PRIM2: variants seen among roughly 807,000 people sequenced by gnomAD.
The protein encoded by PRIM2 is DNA primase subunit 2, also known as DNA primase large subunit.
PRIM2 carries 39 observed loss-of-function variants against 67.3 expected under a neutral mutation model. The observed-to-expected ratio is 0.58, with a 90% CI of 0.45 to 0.76. The LOEUF (loss-of-function observed/expected upper bound fraction) is 0.76. Among genes scored for constraint, PRIM2 ranks in the 30% least tolerant of loss-of-function variants. The pLI is 0.00. For synonymous variants in PRIM2, 143 were observed against 198.7 expected (o/e 0.72, Z 2.36); for missense variants, 398 against 598.7 (o/e 0.66, Z 3.50).
chr6:57,307,063 G>T, the PRIM2 span, among the ~76,000 whole-genome samples: 4 of 151,730 alleles, frequency 2.6e-5, no homozygotes, highest in Admixed American at 2.6e-4. Flanking sequence ...GCTTGGCGTG[G>T]TGGCATGTGC....
chr6:57,322,077 TAGA>T (rs1767678490), intron 3 of PRIM2, among the ~76,000 whole-genome samples: 1 of 152,128 alleles, frequency 6.6e-6, no homozygotes, highest in African/African-American at 2.4e-5. Context: ...GCGGTGGATA[TAGA>T]AGATGTACTT....
the PRIM2 span, among the ~76,000 whole-genome samples, chr6:57,227,132 C>G: frequency 6.6e-6 from 1 of 151,838 alleles, no homozygotes; most frequent in Non-Finnish European, 1.5e-5. Flanking sequence ...TGTTGAAATA[C>G]TCTTAGTATA....
intron 4 of PRIM2, among the ~76,000 whole-genome samples, chr6:57,325,063 A>G (rs1231370409): frequency 1.3e-5 from 2 of 151,676 alleles, no homozygotes; most frequent in East Asian, 1.9e-4. Context: ...GATAATGCCC[A>G]TTAGTATCTG....
At chr6:57,579,908 A>C (rs1285647772) in intron 10 of PRIM2, among the ~76,000 whole-genome samples, 1 of 152,178 alleles carries the variant, frequency 6.6e-6, no homozygotes, top group East Asian at 1.9e-4. Context: ...ACAAAGTTAT[A>C]TTTTTATATG....
Position 57,527,576 on chromosome 6 carries a change from C to T in PRIM2, c.762-4835C>T, listed in dbSNP as rs1405060281. Reference sequence around the variant, plus strand: ...TCCCTCCCCTTTCTAATTATTTCCCCACACTGCTTTGTTTCTCAAGTGTAA... The same window carrying T: ...TCCCTCCCCTTTCTAATTATTTCCCTACACTGCTTTGTTTCTCAAGTGTAA... On this transcript the variant is annotated intron_variant, in intron 8 of 13. Coordinates refer to ENST00000615550, the MANE Select transcript of PRIM2 (RefSeq NM_000947.5). 3.9e-5 allele frequency among the ~76,000 whole-genome samples: 6 copies of T among 152,286 alleles called. No individual in the cohort carries two copies. The South Asian group carries it at 1.0e-3, about 26-fold the overall frequency.
intron 7 of PRIM2, 34 bp downstream of exon 7, chr6:57,382,202 G>A (rs762645396): frequency 2.5e-6 from 4 of 1,603,186 alleles, no homozygotes; most frequent in African/African-American, 1.3e-5. Context: ...TATCTGACAT[G>A]TTCACACTTT....
chr6:57,479,712 A>G (rs1322840713), intron 7 of PRIM2, among the ~76,000 whole-genome samples: 1 of 152,230 alleles, frequency 6.6e-6, no homozygotes, highest in Admixed American at 6.5e-5. Flanking sequence ...GGCTGAGGAT[A>G]TAGTGGATAA....
At position 57,485,884 on chromosome 6, in the gene PRIM2, A is replaced by G. The variant is rs1197020972; in HGVS notation, c.694-21503A>G. 2.6e-5 allele frequency among the ~76,000 whole-genome samples: 4 copies of G among 152,230 alleles called. No individual in the cohort carries two copies. The East Asian group carries it at 7.7e-4, about 29-fold the overall frequency. On this transcript the variant is annotated intron_variant, in intron 7 of 13. Coordinates refer to ENST00000615550, the MANE Select transcript of PRIM2 (RefSeq NM_000947.5). The stretch of plus-strand genomic sequence containing the variant: ...TCCCCCTTAAAGGAGCTTACAGTCC[A>G]AGAGAGTGAGCATGACAAGCAAACA...
At chr6:57,454,203 G>A (rs1269108698) in intron 7 of PRIM2, among the ~76,000 whole-genome samples, 2 of 152,078 alleles carry the variant, frequency 1.3e-5, no homozygotes, top group Non-Finnish European at 2.9e-5. Context: ...ATTTTATTGA[G>A]GATTTTTGCA....
At chr6:57,492,068 G>T (rs2127410414) in intron 7 of PRIM2, among the ~76,000 whole-genome samples, 1 of 152,190 alleles carries the variant, frequency 6.6e-6, no homozygotes, top group Admixed American at 6.5e-5. Flanking sequence ...CAAAACATCT[G>T]GTGTAAACAC....
chr6:57,354,078 G>T (rs1384237974), intron 5 of PRIM2, among the ~76,000 whole-genome samples: 1 of 152,122 alleles, frequency 6.6e-6, no homozygotes, highest in Admixed American at 6.5e-5. Flanking sequence ...AGGTTGACAA[G>T]CTACTTACCT....
chr6:57,608,435 A>G (rs1190148454), intron 12 of PRIM2, among the ~76,000 whole-genome samples: 9 of 152,260 alleles, frequency 5.9e-5, no homozygotes, highest in Non-Finnish European at 1.0e-4. Context: ...AACCTTTTCA[A>G]AAAAAATGTG....
At chr6:57,580,299 A>G (rs1328434162) in intron 10 of PRIM2, among the ~76,000 whole-genome samples, 3 of 152,264 alleles carry the variant, frequency 2.0e-5, no homozygotes, top group Admixed American at 2.0e-4. Context: ...CTCATTGCAC[A>G]TAATAGTTTT....
At chr6:57,393,706 T>G (rs9349859) in intron 7 of PRIM2, among the ~76,000 whole-genome samples, 10,784 of 151,398 alleles carry the variant, frequency 0.071, 1,274 homozygotes, top group African/African-American at 0.25. Flanking sequence ...TTGCATTTGC[T>G]TTTCGGTTCT....
At chr6:57,337,755 G>A (rs906061101) in intron 5 of PRIM2, among the ~76,000 whole-genome samples, 5 of 152,148 alleles carry the variant, frequency 3.3e-5, no homozygotes, top group African/African-American at 1.2e-4. Context: ...ACAAGAGAAA[G>A]CAGGAAAGAT....
At chr6:57,295,083 G>T in the PRIM2 span, among the ~76,000 whole-genome samples, 26 of 152,230 alleles carry the variant, frequency 1.7e-4, no homozygotes, top group African/African-American at 6.3e-4. Flanking sequence ...TAGCCACCAC[G>T]CCCAGCTGTA....
intron 7 of PRIM2, among the ~76,000 whole-genome samples, chr6:57,434,760 C>T (rs1230052393): frequency 6.6e-6 from 1 of 151,384 alleles, no homozygotes; most frequent in East Asian, 1.9e-4. Flanking sequence ...TGGGTCTCTG[C>T]TCTCTCTCTC....
chr6:57,333,593 C>G (rs912869910), intron 5 of PRIM2, among the ~76,000 whole-genome samples: 1 of 151,960 alleles, frequency 6.6e-6, no homozygotes, highest in African/African-American at 2.4e-5. Context: ...ATAATTTCTT[C>G]TATGTTCTCT....
At chr6:57,264,609 T>C in the PRIM2 span, among the ~76,000 whole-genome samples, 5 of 148,314 alleles carry the variant, frequency 3.4e-5, no homozygotes, top group South Asian at 6.7e-4. Context: ...TTTTTTTTTT[T>C]TTTTTTGCGA....
Sources: gnomAD v4.1 joint callset for allele counts (sites outside exome capture counted in the v4.1 genomes callset) on GRCh38, gnomAD v4.1.1 for gene constraint, MANE v1.5 for transcripts, NCBI Gene and HGNC (gene_info 2026-07-23, HGNC 2026-07-21) for gene names.